Variants in NRXN1 observed in about 807,000 individuals in gnomAD.
The protein encoded by NRXN1 is neurexin 1, also known as neurexin-1.
NRXN1 carries 39 observed loss-of-function variants against 150.9 expected under a neutral mutation model. The ratio of observed to expected loss-of-function variants is 0.26; its 90% confidence interval spans 0.20 to 0.34. The LOEUF (loss-of-function observed/expected upper bound fraction) is 0.34. Ranked by LOEUF, NRXN1 falls within the 10% of genes least tolerant of loss-of-function variation. NRXN1 has a pLI of 1.00. For missense variants in NRXN1, 1,815 were observed against 1,949.9 expected (o/e 0.93, Z 1.30); for synonymous variants, 924 against 757.0 (o/e 1.22, Z -3.62).
chr2:50,481,582 T>C (rs1305534252), intron 15 of NRXN1, among the ~76,000 whole-genome samples: 2 of 152,108 alleles, frequency 1.3e-5, no homozygotes, highest in East Asian at 1.9e-4. Context: ...CTTGTATGTA[T>C]CCATGGCCCA....
chr2:50,108,090 T>C (rs536864558), intron 18 of NRXN1, among the ~76,000 whole-genome samples: 7 of 151,704 alleles, frequency 4.6e-5, no homozygotes, highest in Non-Finnish European at 1.0e-4. Context: ...TTTGGAAAAA[T>C]ATCCAAGAAC....
intron 15 of NRXN1, among the ~76,000 whole-genome samples, chr2:50,477,457 C>T (rs957314163): frequency 6.6e-6 from 1 of 152,074 alleles, no homozygotes; most frequent in Non-Finnish European, 1.5e-5. Context: ...AGCTTAGAGG[C>T]CTTCCTTGGG....
At chr2:50,569,668 A>G (rs1262891851) in intron 8 of NRXN1, among the ~76,000 whole-genome samples, 1 of 152,070 alleles carries the variant, frequency 6.6e-6, no homozygotes, top group African/African-American at 2.4e-5. Context: ...CCAAATACAG[A>G]AACTAGACTA....
chr2:50,700,680 T>A (rs1157793955), intron 5 of NRXN1, among the ~76,000 whole-genome samples: 3 of 146,914 alleles, frequency 2.0e-5, no homozygotes, highest in Non-Finnish European at 4.5e-5. Flanking sequence ...AGGGCATATC[T>A]TGGAGTTAAG....
intron 2 of NRXN1, among the ~76,000 whole-genome samples, chr2:50,949,876 T>C (rs569884211): frequency 1.3e-5 from 2 of 152,282 alleles, no homozygotes; most frequent in Non-Finnish European, 2.9e-5. Flanking sequence ...CTTGGTATTA[T>C]ATGTCTCATC....
chr2:50,337,414 T>G (rs1186675183), intron 17 of NRXN1, among the ~76,000 whole-genome samples: 1 of 152,154 alleles, frequency 6.6e-6, no homozygotes, highest in East Asian at 1.9e-4. Context: ...TTGGCCTGCT[T>G]GGGTTTGAAT....
At chr2:50,037,259 T>G (rs1690184158) in intron 21 of NRXN1, among the ~76,000 whole-genome samples, 1 of 152,142 alleles carries the variant, frequency 6.6e-6, no homozygotes, top group African/African-American at 2.4e-5. Flanking sequence ...AGTCAGTTTC[T>G]GGGCTTCTTT....
intron 22 of NRXN1, among the ~76,000 whole-genome samples, chr2:49,929,320 C>T (rs1669714232): frequency 6.6e-6 from 1 of 152,200 alleles, no homozygotes; most frequent in Non-Finnish European, 1.5e-5. Flanking sequence ...CAATCTCCCT[C>T]ATCTCCAGGG....
chr2:50,620,004 G>T lies in NRXN1; in HGVS notation c.1320+18C>A, dbSNP rs1304187146. ...GAGACCATGAATTAGGAATGATTCT[G>T]ATGGCAACGATATTTACCTCTTTGA... is the stretch of plus-strand genomic sequence containing the variant. On this transcript the variant is annotated intron_variant, in intron 8 of 22. Coordinates refer to ENST00000401669, the MANE Select transcript of NRXN1 (RefSeq NM_001330078.2). The T allele has an allele frequency of 1.3e-6, 2 of 1,551,280 alleles. No homozygotes were observed. Among genetic ancestry groups the T allele is most frequent in the South Asian group, 2.5e-5 (2 of 79,946 alleles).
At chr2:49,984,859 C>T (rs1680636486) in intron 21 of NRXN1, among the ~76,000 whole-genome samples, 1 of 152,108 alleles carries the variant, frequency 6.6e-6, no homozygotes, top group Non-Finnish European at 1.5e-5. Flanking sequence ...TCCACATGTC[C>T]ACCTAAGGAC....
At chr2:50,488,872 G>A (rs1050867784) in intron 15 of NRXN1, among the ~76,000 whole-genome samples, 2 of 152,156 alleles carry the variant, frequency 1.3e-5, no homozygotes, top group Admixed American at 6.5e-5. Flanking sequence ...AGAAGACAAC[G>A]CATCACCACT....
chr2:51,024,358 G>A (rs530275356), intron 2 of NRXN1, among the ~76,000 whole-genome samples: 102 of 150,918 alleles, frequency 6.8e-4, no homozygotes, highest in Middle Eastern at 3.4e-3. Context: ...CCATTTTTAC[G>A]TTTTTTTTTC....
intron 17 of NRXN1, among the ~76,000 whole-genome samples, chr2:50,251,037 AATTT>A (rs1369945492): frequency 6.6e-6 from 1 of 151,488 alleles, no homozygotes; most frequent in Non-Finnish European, 1.5e-5. Context: ...ATATGTAATA[AATTT>A]ATTACATGTT....
intron 5 of NRXN1, among the ~76,000 whole-genome samples, chr2:50,875,915 T>C (rs1160329491): frequency 6.6e-6 from 1 of 151,808 alleles, no homozygotes; most frequent in African/African-American, 2.4e-5. Context: ...AATGCAGCAA[T>C]AGATACTACA....
chr2:50,522,099 A>G lies in NRXN1; in HGVS notation c.2374+6526T>C, dbSNP rs543150554. ...AGAAGAATACAGTAAAGGAAGGAAG[A>G]GAAGAAACTCAAAACAATGGAGGAA... On this transcript the variant is annotated intron_variant, in intron 12 of 22. Transcript: ENST00000401669. Among the ~76,000 whole-genome samples the G allele has an allele frequency of 1.2e-4, 19 of 152,270 alleles. No individual in the cohort carries two copies. The East Asian group carries it at 3.5e-3, about 28-fold the overall frequency.
At chr2:50,397,442 C>T (rs1031304617) in intron 17 of NRXN1, among the ~76,000 whole-genome samples, 1 of 152,018 alleles carries the variant, frequency 6.6e-6, no homozygotes, top group Non-Finnish European at 1.5e-5. Flanking sequence ...GGCTTGCATA[C>T]GTTGGCTCCT....
chr2:50,741,334 C>T (rs545359938), intron 5 of NRXN1, among the ~76,000 whole-genome samples: 27 of 152,190 alleles, frequency 1.8e-4, no homozygotes, highest in Non-Finnish European at 2.6e-4. Context: ...CAATGTCTAA[C>T]TATAAATTCA....
intron 21 of NRXN1, among the ~76,000 whole-genome samples, chr2:50,008,090 G>A (rs1685066274): frequency 6.6e-6 from 1 of 152,140 alleles, no homozygotes; most frequent in African/African-American, 2.4e-5. Context: ...AGAGAGACAA[G>A]ATTATTTATA....
intron 18 of NRXN1, among the ~76,000 whole-genome samples, chr2:50,185,216 T>A (rs564460621): frequency 6.6e-6 from 1 of 152,224 alleles, no homozygotes; most frequent in Non-Finnish European, 1.5e-5. Flanking sequence ...GTTGAATGCA[T>A]CTGATCTATA....
Sources: gnomAD v4.1 joint callset for allele counts (sites outside exome capture counted in the v4.1 genomes callset) on GRCh38, gnomAD v4.1.1 for gene constraint, MANE v1.5 for transcripts, NCBI Gene and HGNC (gene_info 2026-07-23, HGNC 2026-07-21) for gene names.